GRM8: variants seen among roughly 807,000 people sequenced by gnomAD.
GRM8 encodes glutamate metabotropic receptor 8, also known as metabotropic glutamate receptor 8.
A neutral mutation model predicts 87.2 loss-of-function variants in GRM8; 47 were observed. That is an observed-to-expected ratio of 0.54 (90% CI 0.43 to 0.69). GRM8 has a LOEUF of 0.69. Ranked by LOEUF, GRM8 falls within the 30% of genes least tolerant of loss-of-function variation. GRM8 has a pLI of 0.00. For synonymous variants in GRM8, 396 were observed against 404.5 expected (o/e 0.98, Z 0.25); for missense variants, 1,019 against 1,139.2 (o/e 0.89, Z 1.52).
intron 9 of GRM8, among the ~76,000 whole-genome samples, chr7:126,460,849 C>T (rs1803815567): frequency 6.6e-6 from 1 of 151,510 alleles, no homozygotes; most frequent in Non-Finnish European, 1.5e-5. Context: ...GCTGGTAGCC[C>T]TGCAACTGAC....
chr7:126,610,231 T>C (rs1023653951), intron 7 of GRM8, among the ~76,000 whole-genome samples: 3 of 152,224 alleles, frequency 2.0e-5, no homozygotes, highest in African/African-American at 7.2e-5. Flanking sequence ...TTCCCTCTTA[T>C]TAACTTTTAT....
intron 2 of GRM8, among the ~76,000 whole-genome samples, chr7:127,196,082 A>G (rs909562431): frequency 8.5e-5 from 13 of 152,250 alleles, no homozygotes; most frequent in African/African-American, 2.7e-4. Context: ...AACATAGATA[A>G]TGAGCACTTT....
chr7:126,814,058 C>A (rs989841399), intron 6 of GRM8, among the ~76,000 whole-genome samples: 1 of 152,048 alleles, frequency 6.6e-6, no homozygotes, highest in African/African-American at 2.4e-5. Context: ...ATATGGTCCA[C>A]CTGCTCAGAG....
chr7:126,728,424 G>C (rs1313792496), intron 7 of GRM8, among the ~76,000 whole-genome samples: 1 of 152,136 alleles, frequency 6.6e-6, no homozygotes, highest in African/African-American at 2.4e-5. Flanking sequence ...TTGCAGAGCA[G>C]TAATGATGCA....
At chr7:127,230,595 A>G (rs149117176) in intron 2 of GRM8, among the ~76,000 whole-genome samples, 49 of 152,286 alleles carry the variant, frequency 3.2e-4, no homozygotes, top group African/African-American at 1.1e-3. Context: ...CCTCATTGTG[A>G]TGGTATTTAA....
chr7:127,121,489 A>C (rs906362066), intron 2 of GRM8, among the ~76,000 whole-genome samples: 1 of 152,210 alleles, frequency 6.6e-6, no homozygotes, highest in Non-Finnish European at 1.5e-5. Context: ...CAGGGGCTAC[A>C]GTGAGCATCT....
intron 7 of GRM8, among the ~76,000 whole-genome samples, chr7:126,617,669 T>C (rs1799657344): frequency 1.3e-5 from 2 of 152,174 alleles, no homozygotes; most frequent in Non-Finnish European, 2.9e-5. Context: ...GATAAGCAAC[T>C]TCAGCAAAGT....
chr7:126,609,535 A>G, intron 7 of GRM8, 37 bp from the exon 8 acceptor site: 1 of 1,550,912 alleles, frequency 6.4e-7, no homozygotes, highest in Non-Finnish European at 8.8e-7. Context: ...ATAAAGTTTT[A>G]GTAAGATAGC....
rs28951988 is a variant in GRM8 at position 127,097,317 on chromosome 7, A to G, written c.727+9179T>C. 2.0e-4 allele frequency among the ~76,000 whole-genome samples: 30 copies of G among 152,286 alleles called. No individual in the cohort carries two copies. In the East Asian group the frequency reaches 5.2e-3, roughly 26 times the overall value. ...ACTGTTAGGTGACATGGCAAATAAT[A>G]TTCAATAACCAAGGATGACAAAAAC... On this transcript the variant is annotated intron_variant, in intron 3 of 10. Transcript: ENST00000339582.
chr7:126,740,780 G>A (rs966337770), intron 7 of GRM8, among the ~76,000 whole-genome samples: 52 of 152,220 alleles, frequency 3.4e-4, no homozygotes, highest in African/African-American at 6.5e-4. Context: ...AAAGATTCAC[G>A]TTATTCAGGT....
intron 3 of GRM8, among the ~76,000 whole-genome samples, chr7:127,086,145 G>C (rs1284797662): frequency 6.6e-6 from 1 of 152,170 alleles, no homozygotes; most frequent in East Asian, 1.9e-4. Flanking sequence ...CTGTCACCCA[G>C]GCTGGAGTGC....
At chr7:126,853,120 T>C (rs561659470) in intron 6 of GRM8, among the ~76,000 whole-genome samples, 19 of 152,156 alleles carry the variant, frequency 1.2e-4, no homozygotes, top group Non-Finnish European at 2.4e-4. Context: ...ATAATACCAG[T>C]AGTACTTGCT....
At chr7:126,722,328 T>C (rs909371993) in intron 7 of GRM8, among the ~76,000 whole-genome samples, 5 of 152,194 alleles carry the variant, frequency 3.3e-5, no homozygotes, top group Non-Finnish European at 7.3e-5. Context: ...CCCTTTCATC[T>C]AGCCAAGTAT....
intron 6 of GRM8, among the ~76,000 whole-genome samples, chr7:126,860,229 A>C (rs1170959248): frequency 6.6e-6 from 1 of 152,138 alleles, no homozygotes; most frequent in East Asian, 1.9e-4. Context: ...TCATTCTTTC[A>C]TTTAACTAAT....
intron 3 of GRM8, among the ~76,000 whole-genome samples, chr7:127,043,452 C>T (rs62468871): frequency 0.055 from 8,432 of 152,266 alleles, 281 homozygotes; most frequent in South Asian, 0.13. Context: ...AGGATGAGTT[C>T]ATGTCCTTTG....
chr7:126,635,408 C>T (rs1487062561), intron 7 of GRM8, among the ~76,000 whole-genome samples: 1 of 152,094 alleles, frequency 6.6e-6, no homozygotes, highest in Non-Finnish European at 1.5e-5. Flanking sequence ...CCAACTAACT[C>T]TAAAAATATA....
At chr7:126,933,842 C>T (rs1806012250) in intron 3 of GRM8, among the ~76,000 whole-genome samples, 1 of 152,190 alleles carries the variant, frequency 6.6e-6, no homozygotes, top group Non-Finnish European at 1.5e-5. Flanking sequence ...GTTTCATTCT[C>T]TATCACCTCT....
At chr7:126,725,608 T>C (rs534226915) in intron 7 of GRM8, among the ~76,000 whole-genome samples, 22 of 152,316 alleles carry the variant, frequency 1.4e-4, no homozygotes, top group African/African-American at 5.3e-4. Context: ...GTTGGACATT[T>C]AAATGTACCT....
At chr7:126,451,341 T>C (rs762567023) in intron 9 of GRM8, among the ~76,000 whole-genome samples, 2 of 151,714 alleles carry the variant, frequency 1.3e-5, no homozygotes, top group African/African-American at 4.8e-5. Context: ...TACTCCTTTT[T>C]TATACTCCCA....
Sources: gnomAD v4.1 joint callset for allele counts (sites outside exome capture counted in the v4.1 genomes callset) on GRCh38, gnomAD v4.1.1 for gene constraint, MANE v1.5 for transcripts, NCBI Gene and HGNC (gene_info 2026-07-23, HGNC 2026-07-21) for gene names.